AKR1C8: variants seen among roughly 807,000 people sequenced by gnomAD.
The protein encoded by AKR1C8 is aldo-keto reductase family 1 member C8.
chr10:5,177,776 TG>T, the AKR1C8 span, among the ~76,000 whole-genome samples: 1 of 152,206 alleles, frequency 6.6e-6, no homozygotes, highest in African/African-American at 2.4e-5. Flanking sequence ...TAGAGGTGTT[TG>T]TAGTATTCTC....
the AKR1C8 span, among the ~76,000 whole-genome samples, chr10:5,115,991 C>G: frequency 6.6e-6 from 1 of 152,108 alleles, no homozygotes; most frequent in Non-Finnish European, 1.5e-5. Context: ...TATACAAGCA[C>G]CTCAGCAGGT....
chr10:5,179,698 T>C, the AKR1C8 span, among the ~76,000 whole-genome samples: 1 of 151,700 alleles, frequency 6.6e-6, no homozygotes, highest in African/African-American at 2.4e-5. Flanking sequence ...TCTCTAAACT[T>C]CCCTTCTCCC....
At chr10:5,123,964 C>T in the AKR1C8 span, 1 of 928,648 alleles carries the variant, frequency 1.1e-6, no homozygotes, top group Admixed American at 3.1e-5. Flanking sequence ...AACTAATTAT[C>T]TTTTCCATCA....
the AKR1C8 span, among the ~76,000 whole-genome samples, chr10:5,133,618 T>C: frequency 6.6e-6 from 1 of 152,164 alleles, no homozygotes; most frequent in Non-Finnish European, 1.5e-5. Flanking sequence ...ACTGATTACA[T>C]TGACCCAGTC....
the AKR1C8 span, among the ~76,000 whole-genome samples, chr10:5,136,575 T>G: frequency 6.6e-6 from 1 of 152,214 alleles, no homozygotes; most frequent in African/African-American, 2.4e-5. Context: ...CTGTTGTTTT[T>G]TGACATTTTA....
At chr10:5,125,782 G>A in the AKR1C8 span, among the ~76,000 whole-genome samples, 1 of 152,164 alleles carries the variant, frequency 6.6e-6, no homozygotes, top group Non-Finnish European at 1.5e-5. Flanking sequence ...ATGAGAGCTG[G>A]TGCTGGTACC....
At chr10:5,159,261 T>C in the AKR1C8 span, among the ~76,000 whole-genome samples, 1 of 152,206 alleles carries the variant, frequency 6.6e-6, no homozygotes, top group Non-Finnish European at 1.5e-5. Flanking sequence ...ATCAGATCTG[T>C]AGCACTAAGC....
At chr10:5,145,504 A>G in the AKR1C8 span, among the ~76,000 whole-genome samples, 1 of 152,196 alleles carries the variant, frequency 6.6e-6, no homozygotes, top group African/African-American at 2.4e-5. Context: ...TTACAAGAAA[A>G]AAAACAAACA....
the AKR1C8 span, among the ~76,000 whole-genome samples, chr10:5,137,272 C>G: frequency 6.6e-6 from 1 of 152,016 alleles, no homozygotes; most frequent in Admixed American, 6.6e-5. Flanking sequence ...CATCCTGATA[C>G]CAAAGCCTGG....
the AKR1C8 span, among the ~76,000 whole-genome samples, chr10:5,152,508 G>A: frequency 6.6e-6 from 1 of 152,152 alleles, no homozygotes; most frequent in Non-Finnish European, 1.5e-5. Flanking sequence ...CAGAAAAATT[G>A]TCAGATTGCC....
chr10:5,174,002 C>T, the AKR1C8 span, among the ~76,000 whole-genome samples: 1 of 151,596 alleles, frequency 6.6e-6, no homozygotes, highest in Admixed American at 6.6e-5. Flanking sequence ...TACACATACA[C>T]AACAAATTCC....
At chr10:5,139,007 C>A in the AKR1C8 span, among the ~76,000 whole-genome samples, 1 of 152,118 alleles carries the variant, frequency 6.6e-6, no homozygotes, top group South Asian at 2.1e-4. Context: ...CATTCCTATA[C>A]ACCAATAACA....
the AKR1C8 span, chr10:5,160,749 C>G: frequency 4.4e-6 from 2 of 458,722 alleles, no homozygotes; most frequent in East Asian, 1.4e-4. Flanking sequence ...TCTCTTCTGA[C>G]CCCTCCTCCT....
the AKR1C8 span, among the ~76,000 whole-genome samples, chr10:5,169,789 A>G: frequency 1.3e-5 from 2 of 152,018 alleles, no homozygotes; most frequent in Non-Finnish European, 2.9e-5. Flanking sequence ...AAAAGTTGTA[A>G]TATTTAGCTT....
At chr10:5,158,574 G>A in the AKR1C8 span, 1 of 451,486 alleles carries the variant, frequency 2.2e-6, no homozygotes, top group Non-Finnish European at 4.6e-6. Flanking sequence ...TCCCGCCATA[G>A]GTTAACTCTT....
the AKR1C8 span, among the ~76,000 whole-genome samples, chr10:5,134,586 A>C: frequency 6.6e-6 from 1 of 152,004 alleles, no homozygotes; most frequent in East Asian, 1.9e-4. Context: ...TTTCCTTTTA[A>C]TTTTCCTAGA....
At chr10:5,144,595 T>A in the AKR1C8 span, among the ~76,000 whole-genome samples, 1 of 151,904 alleles carries the variant, frequency 6.6e-6, no homozygotes, top group South Asian at 2.1e-4. Flanking sequence ...TTCACATCCC[T>A]TGTAAGTTGG....
the AKR1C8 span, among the ~76,000 whole-genome samples, chr10:5,149,993 G>T: frequency 1.1e-4 from 16 of 152,018 alleles, no homozygotes; most frequent in Non-Finnish European, 2.9e-5. Context: ...AAAACAGAAA[G>T]AATCAGCAGT....
chr10:5,163,148 G>C, the AKR1C8 span: 1 of 397,174 alleles, frequency 2.5e-6, no homozygotes, highest in Non-Finnish European at 5.1e-6. Flanking sequence ...ACGGGTTTCA[G>C]TGACAGACCT....
Sources: gnomAD v4.1 joint callset for allele counts (sites outside exome capture counted in the v4.1 genomes callset) on GRCh38, gnomAD v4.1.1 for gene constraint, MANE v1.5 for transcripts, NCBI Gene and HGNC (gene_info 2026-07-23, HGNC 2026-07-21) for gene names.